The following SYNPR variants were observed in gnomAD, a reference collection of about 807,000 sequenced individuals.
SYNPR encodes synaptoporin.
A neutral mutation model predicts 32.9 loss-of-function variants in SYNPR; 23 were observed. That is an observed-to-expected ratio of 0.70 (90% CI 0.50 to 0.99). The LOEUF is 0.99. SYNPR is among the 50% of genes least tolerant of loss of function. The pLI, the probability that SYNPR is intolerant of heterozygous loss-of-function variation, is 0.00. For synonymous variants in SYNPR, 146 were observed against 135.9 expected, an observed-to-expected ratio of 1.07 and a Z score of -0.52; for missense variants, 318 against 349.3, an observed-to-expected ratio of 0.91 and a Z score of 0.71.
chr3:63,221,140 T>C, the SYNPR span, among the ~76,000 whole-genome samples: 1 of 152,054 alleles, frequency 6.6e-6, no homozygotes, highest in Non-Finnish European at 1.5e-5. Flanking sequence ...TGATAACAAG[T>C]AGAGATGTCA....
intron 3 of SYNPR, among the ~76,000 whole-genome samples, chr3:63,493,799 G>A (rs975471488): frequency 3.4e-4 from 41 of 119,608 alleles, no homozygotes; most frequent in African/African-American, 1.3e-3. Context: ...CTGGGTAACA[G>A]TGCAAGACTC....
At chr3:63,494,176 C>T (rs7643728) in intron 3 of SYNPR, among the ~76,000 whole-genome samples, 91,396 of 150,750 alleles carry the variant, frequency 0.61, 27,930 homozygotes, top group African/African-American at 0.67. Flanking sequence ...TTATGACATA[C>T]ATTACTCTTA....
intron 4 of SYNPR, among the ~76,000 whole-genome samples, chr3:63,598,999 T>C (rs978172109): frequency 6.6e-6 from 1 of 152,124 alleles, no homozygotes; most frequent in African/African-American, 2.4e-5. Flanking sequence ...AGGCAGACCA[T>C]TACATAGCAT....
chr3:63,441,760 G>A (rs1015519324), intron 2 of SYNPR, among the ~76,000 whole-genome samples: 1 of 152,172 alleles, frequency 6.6e-6, no homozygotes, highest in African/African-American at 2.4e-5. Context: ...TTGAAGAATT[G>A]GTAAGCACCC....
At chr3:63,287,185 C>T (rs752000403) in intron 2 of SYNPR, among the ~76,000 whole-genome samples, 3 of 152,148 alleles carry the variant, frequency 2.0e-5, no homozygotes, top group Non-Finnish European at 4.4e-5. Context: ...TCCATCCTCA[C>T]CCTTTTAACT....
At chr3:63,535,244 A>G (rs1424878113) in intron 3 of SYNPR, among the ~76,000 whole-genome samples, 1 of 152,198 alleles carries the variant, frequency 6.6e-6, no homozygotes, top group Non-Finnish European at 1.5e-5. Context: ...ACAAAGAACA[A>G]TTCCTCAATA....
chr3:63,287,791 G>C (rs2086699763), intron 2 of SYNPR, among the ~76,000 whole-genome samples: 1 of 152,184 alleles, frequency 6.6e-6, no homozygotes, highest in Non-Finnish European at 1.5e-5. Flanking sequence ...CAATTGTTTA[G>C]CTTGGTTATG....
intron 2 of SYNPR, among the ~76,000 whole-genome samples, chr3:63,381,670 A>C (rs1406940503): frequency 6.6e-6 from 1 of 152,172 alleles, no homozygotes; most frequent in East Asian, 1.9e-4. Flanking sequence ...TCTTTCTTGT[A>C]ATTGGTATAT....
chr3:63,321,791 T>A (rs973475059), intron 2 of SYNPR, among the ~76,000 whole-genome samples: 5 of 152,012 alleles, frequency 3.3e-5, no homozygotes, highest in African/African-American at 1.2e-4. Flanking sequence ...GTAGCCAATA[T>A]AAACACAAAT....
At chr3:63,469,360 C>T (rs926773121) in intron 2 of SYNPR, among the ~76,000 whole-genome samples, 1 of 152,044 alleles carries the variant, frequency 6.6e-6, no homozygotes, top group African/African-American at 2.4e-5. Flanking sequence ...ATGAGCTCAT[C>T]ATGCTCTAAT....
chr3:63,317,745 T>C (rs2087058356), intron 2 of SYNPR, among the ~76,000 whole-genome samples: 1 of 152,090 alleles, frequency 6.6e-6, no homozygotes, highest in Non-Finnish European at 1.5e-5. Flanking sequence ...AGTATTGAAA[T>C]GTGAGGTACC....
chr3:63,257,017 G>GA (rs1163840319), intron 2 of SYNPR, among the ~76,000 whole-genome samples: 2 of 152,210 alleles, frequency 1.3e-5, no homozygotes, highest in East Asian at 1.9e-4. Flanking sequence ...AAACTTTAGA[G>GA]AAAAAAGAAT....
intron 3 of SYNPR, among the ~76,000 whole-genome samples, chr3:63,548,383 TG>T (rs1559533091): frequency 6.6e-6 from 1 of 151,474 alleles, no homozygotes; most frequent in Non-Finnish European, 1.5e-5. Flanking sequence ...GGGGGCTACT[TG>T]GGGGGAAAAA....
intron 2 of SYNPR, among the ~76,000 whole-genome samples, chr3:63,448,022 G>T (rs1432643354): frequency 7.4e-6 from 1 of 135,532 alleles, no homozygotes; most frequent in East Asian, 3.6e-4. Context: ...ATTTATTTTT[G>T]AGATGGAGTC....
At chr3:63,380,818 T>C (rs1460683123) in intron 2 of SYNPR, among the ~76,000 whole-genome samples, 1 of 152,164 alleles carries the variant, frequency 6.6e-6, no homozygotes, top group African/African-American at 2.4e-5. Context: ...ATTATCTCAA[T>C]AGATGCAGAA....
At chr3:63,253,435 A>G (rs2086354465) in intron 2 of SYNPR, among the ~76,000 whole-genome samples, 2 of 152,232 alleles carry the variant, frequency 1.3e-5, no homozygotes, top group Admixed American at 6.5e-5. Context: ...ACTACCTTGA[A>G]ATAATAATTT....
chr3:63,302,948 G>A (rs1244446165), intron 2 of SYNPR, among the ~76,000 whole-genome samples: 1 of 151,884 alleles, frequency 6.6e-6, no homozygotes, highest in Non-Finnish European at 1.5e-5. Flanking sequence ...TATTTAAGGT[G>A]ATGGATATCC....
At chr3:63,437,255 C>T (rs1360360997) in intron 2 of SYNPR, among the ~76,000 whole-genome samples, 1 of 152,164 alleles carries the variant, frequency 6.6e-6, no homozygotes, top group Non-Finnish European at 1.5e-5. Context: ...TATCAAACAA[C>T]CTGGCAAAGG....
At chr3:63,200,663 T>G in the SYNPR span, among the ~76,000 whole-genome samples, 2 of 152,086 alleles carry the variant, frequency 1.3e-5, no homozygotes, top group African/African-American at 4.8e-5. Context: ...AAATACATGG[T>G]GAGATCATGA....
Sources: gnomAD v4.1 joint callset for allele counts (sites outside exome capture counted in the v4.1 genomes callset) on GRCh38, gnomAD v4.1.1 for gene constraint, MANE v1.5 for transcripts, NCBI Gene and HGNC (gene_info 2026-07-23, HGNC 2026-07-21) for gene names.